The following DOCK1 variants were observed in gnomAD, a reference collection of about 807,000 sequenced individuals.
DOCK1 encodes dedicator of cytokinesis 1.
Under a neutral mutation model 262.7 loss-of-function variants are expected in DOCK1, and 138 were observed. The observed-to-expected ratio is 0.53, with a 90% confidence interval of 0.46 to 0.61. The LOEUF (loss-of-function observed/expected upper bound fraction) is 0.61, where lower values mean the gene tolerates loss of function less well. DOCK1 is among the 20% of genes least tolerant of loss of function. The pLI is 0.00. For missense variants in DOCK1, 1,908 were observed against 2,370.7 expected, an observed-to-expected ratio of 0.80 and a Z score of 4.05; for synonymous variants, 866 against 867.4, an observed-to-expected ratio of 1.00 and a Z score of 0.03.
chr10:127,185,205 C>G (rs979011892), intron 27 of DOCK1, among the ~76,000 whole-genome samples: 3 of 152,144 alleles, frequency 2.0e-5, no homozygotes, highest in Admixed American at 6.5e-5. Flanking sequence ...CTCCTATGCT[C>G]AGTCATCCTT....
chr10:127,031,843 G>C, intron 17 of DOCK1, 90 bp downstream of exon 17: 1 of 1,152,990 alleles, frequency 8.7e-7, no homozygotes, highest in Non-Finnish European at 1.3e-6. Flanking sequence ...TCCCATCATT[G>C]TGAGGAAGCT....
intron 35 of DOCK1, among the ~76,000 whole-genome samples, chr10:127,376,384 A>T (rs2065490472): frequency 6.6e-6 from 1 of 152,162 alleles, no homozygotes; most frequent in Non-Finnish European, 1.5e-5. Flanking sequence ...CTACTGTAGA[A>T]ATTACTGGTC....
At chr10:127,042,259 C>T (rs2044068459) in intron 19 of DOCK1, among the ~76,000 whole-genome samples, 1 of 152,176 alleles carries the variant, frequency 6.6e-6, no homozygotes, top group African/African-American at 2.4e-5. Context: ...CATTCACTAG[C>T]TGAAGTCCTG....
chr10:126,990,894 C>G (rs981425033), intron 6 of DOCK1, among the ~76,000 whole-genome samples: 6 of 152,314 alleles, frequency 3.9e-5, no homozygotes, highest in Admixed American at 3.9e-4. Flanking sequence ...ACTCCCCTAG[C>G]AAGGAACTTT....
chr10:126,930,999 G>C (rs2034144864), intron 1 of DOCK1, among the ~76,000 whole-genome samples: 1 of 152,144 alleles, frequency 6.6e-6, no homozygotes, highest in South Asian at 2.1e-4. Flanking sequence ...CATGGGCAGT[G>C]CCAGCATCAG....
At chr10:127,196,977 C>T (rs963420869) in intron 27 of DOCK1, among the ~76,000 whole-genome samples, 1 of 152,022 alleles carries the variant, frequency 6.6e-6, no homozygotes, top group African/African-American at 2.4e-5. Context: ...CAGCCTGGCC[C>T]GGCGGGGCTT....
chr10:127,383,476 G>A (rs1440900586), intron 37 of DOCK1, among the ~76,000 whole-genome samples: 1 of 152,226 alleles, frequency 6.6e-6, no homozygotes, highest in African/African-American at 2.4e-5. Context: ...GTCCAATTGT[G>A]ATGGAGATAT....
At chr10:127,152,311 C>T (rs2052578146) in intron 27 of DOCK1, among the ~76,000 whole-genome samples, 1 of 152,194 alleles carries the variant, frequency 6.6e-6, no homozygotes, top group South Asian at 2.1e-4. Flanking sequence ...AAAAGTTTCC[C>T]ATTAAGCAAA....
intron 27 of DOCK1, among the ~76,000 whole-genome samples, chr10:127,146,730 T>C (rs1300084157): frequency 2.0e-5 from 3 of 152,140 alleles, no homozygotes; most frequent in African/African-American, 7.2e-5. Flanking sequence ...GTGGTGGTCA[T>C]TGAAGCAGGG....
At chr10:127,040,509 C>G (rs911185987) in intron 19 of DOCK1, among the ~76,000 whole-genome samples, 4 of 152,162 alleles carry the variant, frequency 2.6e-5, no homozygotes, top group Non-Finnish European at 5.9e-5. Context: ...TCCTCTCTCC[C>G]GAAGGAGGCG....
At chr10:127,153,818 A>G (rs1475024175) in intron 27 of DOCK1, 2 of 1,510,224 alleles carry the variant, frequency 1.3e-6, no homozygotes, top group Admixed American at 1.7e-5. Flanking sequence ...GTCACTCATA[A>G]TAAGAAAGTG....
chr10:127,133,441 T>C (rs998060202), intron 27 of DOCK1, among the ~76,000 whole-genome samples: 3 of 152,236 alleles, frequency 2.0e-5, no homozygotes, highest in African/African-American at 7.2e-5. Context: ...TAAAAATGTC[T>C]ATAATTGTAC....
At chr10:126,948,591 C>T (rs963880442) in intron 1 of DOCK1, among the ~76,000 whole-genome samples, 2 of 151,874 alleles carry the variant, frequency 1.3e-5, no homozygotes, top group Non-Finnish European at 2.9e-5. Flanking sequence ...ACAGGGCCCT[C>T]AAAATGCTCC....
chr10:127,200,670 C>T (rs1199155616), intron 27 of DOCK1, among the ~76,000 whole-genome samples: 1 of 152,172 alleles, frequency 6.6e-6, no homozygotes, highest in Non-Finnish European at 1.5e-5. Context: ...TCCCAAAGTG[C>T]TAAGATTACA....
At position 127,176,290 on chromosome 10, in the gene DOCK1, G is replaced by C; in HGVS notation, c.2847+48526G>C. The C allele has an allele frequency of 6.2e-7, 1 of 1,614,078 alleles. No individual in the cohort carries two copies. The highest frequency in any genetic ancestry group is 8.5e-7 in the Non-Finnish European group (1 of 1,180,026). On this transcript the variant is annotated intron_variant, in intron 27 of 51. Coordinates refer to ENST00000623213, the MANE Select transcript of DOCK1 (RefSeq NM_001290223.2). The surrounding 1 kb of genome is among the most constrained non-coding windows in gnomAD (Gnocchi z 4.4). ...GCTTTGTTCCGTTTTTTAATCTGCC[G>C]GTTGGGGTCCAGGGCGTATTTCATC...
intron 10 of DOCK1, among the ~76,000 whole-genome samples, chr10:127,008,318 G>C (rs773450529): frequency 6.6e-6 from 1 of 152,090 alleles, no homozygotes; most frequent in Non-Finnish European, 1.5e-5. Context: ...GGCTAGTCTC[G>C]AACTCCTGGG....
At chr10:127,123,296 T>C (rs931171961) in intron 25 of DOCK1, among the ~76,000 whole-genome samples, 1 of 152,076 alleles carries the variant, frequency 6.6e-6, no homozygotes, top group Non-Finnish European at 1.5e-5. Flanking sequence ...TCCAGAATGG[T>C]GGCAGTGCTA....
At chr10:127,278,534 G>C (rs2060829467) in intron 29 of DOCK1, among the ~76,000 whole-genome samples, 1 of 152,088 alleles carries the variant, frequency 6.6e-6, no homozygotes, top group Non-Finnish European at 1.5e-5. Flanking sequence ...GGGAGTTGCA[G>C]CTGGCTGAAT....
intron 10 of DOCK1, among the ~76,000 whole-genome samples, chr10:127,004,762 CT>C (rs2040871970): frequency 4.6e-4 from 40 of 86,100 alleles, no homozygotes; most frequent in Non-Finnish European, 6.2e-4. Flanking sequence ...CAACGGCCCC[CT>C]GCCCCGCCAC....
Sources: allele counts gnomAD v4.1 joint callset (sites outside exome capture counted in the v4.1 genomes callset), GRCh38; gene constraint gnomAD v4.1.1; non-coding constraint Gnocchi (gnomAD v3.1); transcripts MANE v1.5; gene names NCBI Gene and HGNC (gene_info 2026-07-23, HGNC 2026-07-21).